Variants in SOX6 observed in about 807,000 individuals in gnomAD.
SOX6 encodes SRY-box transcription factor 6.
SOX6 carries 11 observed loss-of-function variants against 97.8 expected under a neutral mutation model. That is an observed-to-expected ratio of 0.11 (90% CI 0.07 to 0.19). SOX6 has a LOEUF of 0.19. Ranked by LOEUF, SOX6 falls within the 10% of genes least tolerant of loss-of-function variation. The pLI, the probability that SOX6 is intolerant of heterozygous loss-of-function variation, is 1.00. For missense variants in SOX6, 810 were observed against 1,039.5 expected (o/e 0.78, Z 3.04); for synonymous variants, 360 against 371.4 (o/e 0.97, Z 0.35).
chr11:16,188,802 G>A (rs188534310), intron 4 of SOX6, among the ~76,000 whole-genome samples: 201 of 152,236 alleles, frequency 1.3e-3, no homozygotes, highest in Middle Eastern at 6.8e-3. Flanking sequence ...GGTGGCTCAT[G>A]TCTGTATCCT....
intron 1 of SOX6, among the ~76,000 whole-genome samples, chr11:16,468,604 C>T (rs966403630): frequency 2.6e-5 from 4 of 152,154 alleles, no homozygotes; most frequent in Non-Finnish European, 4.4e-5. Context: ...CATGGATCCA[C>T]CTCACACCAA....
At chr11:16,186,989 T>C in intron 4 of SOX6, 34 bp from the exon 5 acceptor site, 1 of 1,612,198 alleles carries the variant, frequency 6.2e-7, no homozygotes. Flanking sequence ...CTCACAAGCT[T>C]GAGAAATACC....
intron 14 of SOX6, among the ~76,000 whole-genome samples, chr11:15,986,714 C>T (rs1853852947): frequency 1.3e-5 from 2 of 152,176 alleles, no homozygotes; most frequent in South Asian, 4.1e-4. Context: ...CTTTCCCCAT[C>T]CACCTGCCTA....
At chr11:16,639,608 TTC>T (rs1418270850) in intron 3 of SOX6, among the ~76,000 whole-genome samples, 1 of 152,214 alleles carries the variant, frequency 6.6e-6, no homozygotes, top group Non-Finnish European at 1.5e-5. Context: ...TAATTTGTAG[TTC>T]TCCTTGAAGA....
chr11:16,405,934 T>G (rs1392993555), intron 1 of SOX6, among the ~76,000 whole-genome samples: 1 of 152,080 alleles, frequency 6.6e-6, no homozygotes, highest in Non-Finnish European at 1.5e-5. Context: ...TAGTCAAAAT[T>G]GCTCTCGACA....
intron 6 of SOX6, among the ~76,000 whole-genome samples, chr11:16,180,121 G>GA (rs561837857): frequency 1.3e-5 from 2 of 151,426 alleles, no homozygotes; most frequent in South Asian, 2.1e-4. Context: ...ATAAATATGT[G>GA]AAAAAAATCA....
At chr11:16,158,284 A>G (rs1283159179) in intron 6 of SOX6, among the ~76,000 whole-genome samples, 1 of 151,906 alleles carries the variant, frequency 6.6e-6, no homozygotes, top group East Asian at 1.9e-4. Context: ...CAAAGCTAGT[A>G]TTTCCAAAAG....
chr11:16,701,475 T>C (rs1848092841), intron 3 of SOX6, among the ~76,000 whole-genome samples: 1 of 152,134 alleles, frequency 6.6e-6, no homozygotes, highest in Admixed American at 6.5e-5. Context: ...GTTTTTAGAA[T>C]TGACATATGT....
intron 3 of SOX6, among the ~76,000 whole-genome samples, chr11:16,276,895 C>A (rs144095177): frequency 1.1e-4 from 17 of 152,306 alleles, no homozygotes; most frequent in African/African-American, 3.9e-4. Context: ...TATAACTGAA[C>A]CACAATTTCT....
At chr11:16,023,958 T>C (rs1334037219) in intron 12 of SOX6, among the ~76,000 whole-genome samples, 1 of 152,276 alleles carries the variant, frequency 6.6e-6, no homozygotes, top group South Asian at 2.1e-4. Context: ...ATGGGCTGAA[T>C]TGTGTTTCCC....
At chr11:16,435,013 T>C (rs1295497318) in intron 1 of SOX6, among the ~76,000 whole-genome samples, 1 of 152,182 alleles carries the variant, frequency 6.6e-6, no homozygotes, top group Non-Finnish European at 1.5e-5. Flanking sequence ...AATATTTAAG[T>C]TAAATAATAG....
upstream of SOX6, among the ~76,000 whole-genome samples, chr11:16,360,197 T>C (rs1857174010): frequency 6.6e-6 from 1 of 152,178 alleles, no homozygotes; most frequent in South Asian, 2.1e-4. Context: ...GTAGCTGATC[T>C]AAAGTTGTAC....
intron 3 of SOX6, among the ~76,000 whole-genome samples, chr11:16,289,378 T>A (rs1398949970): frequency 6.6e-6 from 1 of 151,980 alleles, no homozygotes; most frequent in African/African-American, 2.4e-5. Flanking sequence ...ACCTACTCTT[T>A]GAGCATGACT....
chr11:16,036,078 C>CA, intron 12 of SOX6, among the ~76,000 whole-genome samples: 1 of 133,800 alleles, frequency 7.5e-6, no homozygotes, highest in Non-Finnish European at 1.6e-5. Context: ...TGATTCAACT[C>CA]TTTTTTTTTT....
At chr11:16,524,415 ACAAAATT>A (rs1861122374) in intron 4 of SOX6, among the ~76,000 whole-genome samples, 1 of 152,168 alleles carries the variant, frequency 6.6e-6, no homozygotes, top group Admixed American at 6.6e-5. Context: ...AAGGCCTTTG[ACAAAATT>A]CAACAACCCT....
chr11:16,239,784 G>GT (rs915210003), intron 3 of SOX6, among the ~76,000 whole-genome samples: 1 of 151,856 alleles, frequency 6.6e-6, no homozygotes, highest in African/African-American at 2.4e-5. Flanking sequence ...GGATAATCTC[G>GT]TGCCAGCTCC....
At chr11:16,448,910 T>A (rs1013209061) in intron 1 of SOX6, among the ~76,000 whole-genome samples, 1 of 152,118 alleles carries the variant, frequency 6.6e-6, no homozygotes. Flanking sequence ...TAATGCACAC[T>A]TATAAAGCTG....
intron 6 of SOX6, among the ~76,000 whole-genome samples, chr11:16,136,656 A>T (rs1476032754): frequency 1.3e-5 from 2 of 152,022 alleles, no homozygotes; most frequent in African/African-American, 4.8e-5. Flanking sequence ...GGCTGATCTC[A>T]AACTCCTAGG....
At chr11:16,687,838 G>C (rs1847980969) in intron 3 of SOX6, among the ~76,000 whole-genome samples, 1 of 152,096 alleles carries the variant, frequency 6.6e-6, no homozygotes, top group South Asian at 2.1e-4. Flanking sequence ...AGCCCCTATA[G>C]TGCTTTAAAG....
Sources: gnomAD v4.1 joint callset for allele counts (sites outside exome capture counted in the v4.1 genomes callset) on GRCh38, gnomAD v4.1.1 for gene constraint, MANE v1.5 for transcripts, NCBI Gene and HGNC (gene_info 2026-07-23, HGNC 2026-07-21) for gene names.